The following GABRG2 variants were observed in gnomAD, a reference collection of about 807,000 sequenced individuals.
GABRG2 encodes the protein gamma-aminobutyric acid receptor subunit gamma-2.
In GABRG2, 16 loss-of-function variants were observed where a neutral mutation model predicts 56.4. That is an observed-to-expected ratio of 0.28 (90% CI 0.19 to 0.43). The LOEUF (loss-of-function observed/expected upper bound fraction) is 0.43. GABRG2 is among the 20% of genes least tolerant of loss of function. The probability of loss-of-function intolerance (pLI) is 1.00; values close to 1 mark genes in which losing one functional copy is unlikely to be tolerated. For synonymous variants in GABRG2, 208 were observed against 205.5 expected (o/e 1.01, Z -0.10); for missense variants, 327 against 582.7 (o/e 0.56, Z 4.52).
At chr5:162,078,801 T>A (rs1759411097) in intron 1 of GABRG2, among the ~76,000 whole-genome samples, 1 of 151,976 alleles carries the variant, frequency 6.6e-6, no homozygotes, top group South Asian at 2.1e-4. Flanking sequence ...TTATAGATAT[T>A]TTCCATTTAA....
At position 162,154,319 on chromosome 5, in the gene GABRG2, T is replaced by G. The variant is rs1218153525; in HGVS notation, c.*951T>G. The G allele has an allele frequency of 6.6e-6, 1 of 152,138 alleles. No individual in the cohort carries two copies. The highest frequency in any genetic ancestry group is 1.5e-5 in the Non-Finnish European group (1 of 68,034). The allele number at this position is 152,138 out of a possible 1,614,324, so 9.4% of individuals were successfully genotyped here. A position where few individuals can be genotyped will look rare whatever the true frequency, so the allele number is the denominator to read the frequency against. On this transcript the variant is annotated 3_prime_UTR_variant, in exon 10 of 10. Transcript: ENST00000639213. ...CCATCTCAAGATCTGCTTCTAGTGA[T>G]TGTGAGTGCCTTGTGGGCAGAATCC...
chr5:162,099,816 T>G (rs1370798369), intron 4 of GABRG2: 1 of 152,158 alleles, frequency 6.6e-6, no homozygotes, highest in Admixed American at 6.5e-5. Context: ...AGAGAGATGA[T>G]TTTGTTCTGG....
At chr5:162,118,922 G>A (rs1561650688) in intron 6 of GABRG2, among the ~76,000 whole-genome samples, 2 of 152,128 alleles carry the variant, frequency 1.3e-5, no homozygotes, top group Admixed American at 6.6e-5. Context: ...GGAAGACAGA[G>A]GAAGGTCGTA....
intron 6 of GABRG2, among the ~76,000 whole-genome samples, chr5:162,127,683 T>C (rs1763439279): frequency 6.6e-6 from 1 of 151,984 alleles, no homozygotes; most frequent in African/African-American, 2.4e-5. Context: ...CCGTATTTTG[T>C]CTTCAGGAAT....
At chr5:162,130,989 C>A (rs1206453912) in intron 6 of GABRG2, among the ~76,000 whole-genome samples, 1 of 151,908 alleles carries the variant, frequency 6.6e-6, no homozygotes, top group Non-Finnish European at 1.5e-5. Context: ...ATTATGAGAT[C>A]CATTCAATAA....
chr5:162,145,441 G>A (rs775493020), intron 7 of GABRG2, among the ~76,000 whole-genome samples: 5 of 152,182 alleles, frequency 3.3e-5, no homozygotes, highest in Admixed American at 6.5e-5. Flanking sequence ...ACCCAGGTAA[G>A]ATAAGTCTAA....
At chr5:162,105,948 C>G (rs1185819272) in intron 6 of GABRG2, among the ~76,000 whole-genome samples, 1 of 151,988 alleles carries the variant, frequency 6.6e-6, no homozygotes, top group Non-Finnish European at 1.5e-5. Context: ...CACTCTAAAA[C>G]AGAACCCACA....
chr5:162,153,274 G>A lies in GABRG2; in HGVS notation c.1334G>A (p.Arg445His), dbSNP rs587780341. The A allele has an allele frequency of 3.7e-6, 6 of 1,613,858 alleles. No homozygotes were observed. The highest frequency in any genetic ancestry group is 1.3e-5 in the African/African-American group (1 of 74,866). The change falls in exon 10 of 10, where the codon CGC becomes CAC. Residue 445 changes from arginine (R) to histidine (H), a missense_variant. Physicochemically the swap from Arg to His is conservative, Grantham distance 29 (BLOSUM62 0). Around this residue, in one of 4 missense-constraint regions of GABRG2, gnomAD observed 108 missense variants for 144.2 expected, o/e 0.75. Coordinates refer to ENST00000639213, the MANE Select transcript of GABRG2 (RefSeq NM_198904.4). ...TGGAGACATGGGAGGATACATATCC[G>A]CATTGCCAAAATGGACTCCTATGCT... ...GAWRHGRIHI[R>H]IAKMDSYARI...
intron 6 of GABRG2, among the ~76,000 whole-genome samples, chr5:162,127,009 G>C (rs2113515802): frequency 6.6e-6 from 1 of 151,994 alleles, no homozygotes; most frequent in Middle Eastern, 3.4e-3. Flanking sequence ...GAAAATTCCA[G>C]AGGTAATTTC....
chr5:162,093,801 T>G lies in GABRG2; in HGVS notation c.108-27T>G, dbSNP rs752236594. The G allele has an allele frequency of 2.4e-5, 39 of 1,608,808 alleles. No homozygotes were observed. The African/African-American group carries it at 4.9e-4, about 20-fold the overall frequency. ...AGTCAACTTGTGTGTAATCTATGTG[T>G]TTTTTGACCAATATGTTTTTTCTTA... On this transcript the variant is annotated intron_variant, in intron 1 of 9. Coordinates refer to ENST00000639213, the MANE Select transcript of GABRG2 (RefSeq NM_198904.4).
intron 1 of GABRG2, among the ~76,000 whole-genome samples, chr5:162,080,972 A>G (rs757629701): frequency 2.0e-5 from 3 of 152,172 alleles, no homozygotes; most frequent in Non-Finnish European, 4.4e-5. Context: ...AATGGCAAAG[A>G]CTATTGCTAA....
intron 1 of GABRG2, among the ~76,000 whole-genome samples, chr5:162,089,313 C>T (rs528166577): frequency 2.0e-5 from 3 of 152,140 alleles, no homozygotes; most frequent in African/African-American, 7.2e-5. Context: ...GCATGGGATT[C>T]CCAGTGGACC....
At chr5:162,085,095 C>T (rs1363637) in intron 1 of GABRG2, among the ~76,000 whole-genome samples, 1 of 151,766 alleles carries the variant, frequency 6.6e-6, no homozygotes, top group South Asian at 2.1e-4. Flanking sequence ...GTTATGAGGC[C>T]GTCAATATTG....
chr5:162,138,773 A>G (rs1040777375), intron 6 of GABRG2, among the ~76,000 whole-genome samples: 1 of 152,200 alleles, frequency 6.6e-6, no homozygotes, highest in African/African-American at 2.4e-5. Context: ...CATTTAGGAT[A>G]TTTACAGATA....
intron 6 of GABRG2, among the ~76,000 whole-genome samples, chr5:162,134,551 A>G (rs1763981056): frequency 6.6e-6 from 1 of 152,218 alleles, no homozygotes; most frequent in Non-Finnish European, 1.5e-5. Flanking sequence ...GTTGAGACTC[A>G]GAGACATAGA....
At chr5:162,141,195 C>G (rs1764538395) in intron 6 of GABRG2, among the ~76,000 whole-genome samples, 1 of 152,066 alleles carries the variant, frequency 6.6e-6, no homozygotes, top group Non-Finnish European at 1.5e-5. Context: ...CGCCACACCA[C>G]CAGGCTAATT....
intron 6 of GABRG2, among the ~76,000 whole-genome samples, chr5:162,106,773 G>A (rs1182772816): frequency 6.6e-6 from 1 of 152,106 alleles, no homozygotes; most frequent in Non-Finnish European, 1.5e-5. Flanking sequence ...AGTAGTGACT[G>A]TACTTCTGAT....
At chr5:162,095,617 T>C (rs754605884) in intron 3 of GABRG2, 55 bp downstream of exon 3, 2 of 1,267,904 alleles carry the variant, frequency 1.6e-6, no homozygotes, top group South Asian at 1.2e-5. Flanking sequence ...TGAGAGAAAA[T>C]GTGATGTCAT....
chr5:162,109,118 C>A (rs1156726450), intron 6 of GABRG2, among the ~76,000 whole-genome samples: 2 of 151,890 alleles, frequency 1.3e-5, no homozygotes, highest in African/African-American at 4.8e-5. Context: ...TGGAAACCAT[C>A]ATTCTCAGCA....
Sources: allele counts gnomAD v4.1 joint callset (sites outside exome capture counted in the v4.1 genomes callset), GRCh38; gene constraint gnomAD v4.1.1; regional missense constraint gnomAD v4.1.1; transcripts MANE v1.5; gene names NCBI Gene and HGNC (gene_info 2026-07-23, HGNC 2026-07-21).